SWAP70: variants seen among roughly 807,000 people sequenced by gnomAD.
The protein encoded by SWAP70 is switch-associated protein 70.
A neutral mutation model predicts 80.2 loss-of-function variants in SWAP70; 34 were observed. The observed-to-expected ratio is 0.42, with a 90% CI of 0.32 to 0.56. SWAP70 has a LOEUF of 0.56. Ranked by LOEUF, SWAP70 falls within the 20% of genes least tolerant of loss-of-function variation. SWAP70 has a pLI of 0.09. For synonymous variants in SWAP70, 239 were observed against 238.5 expected (o/e 1.00, Z -0.02); for missense variants, 578 against 690.7 (o/e 0.84, Z 1.83).
chr11:9,702,670 C>T (rs1850848189), intron 2 of SWAP70, among the ~76,000 whole-genome samples: 1 of 152,086 alleles, frequency 6.6e-6, no homozygotes, highest in Non-Finnish European at 1.5e-5. Flanking sequence ...ATCCTCTTGC[C>T]TTGTCCTCCC....
At chr11:9,719,885 C>G (rs1851113946) in intron 3 of SWAP70, among the ~76,000 whole-genome samples, 1 of 152,080 alleles carries the variant, frequency 6.6e-6, no homozygotes, top group African/African-American at 2.4e-5. Flanking sequence ...TAAATAAAAC[C>G]TATTAAGCCA....
intron 7 of SWAP70, among the ~76,000 whole-genome samples, chr11:9,735,521 A>G (rs1473700143): frequency 6.6e-6 from 1 of 152,236 alleles, no homozygotes; most frequent in South Asian, 2.1e-4. Context: ...TCTCTAGGGA[A>G]TGAATTCTCA....
At chr11:9,674,441 T>C (rs991757889) in intron 1 of SWAP70, among the ~76,000 whole-genome samples, 2 of 152,132 alleles carry the variant, frequency 1.3e-5, no homozygotes, top group East Asian at 3.8e-4. Context: ...GGCTCATGAC[T>C]ATAATCCCAG....
At chr11:9,694,062 G>A in intron 1 of SWAP70, 84 bp from the exon 2 acceptor site, 1 of 1,436,744 alleles carries the variant, frequency 7.0e-7, no homozygotes, top group South Asian at 1.6e-5. Flanking sequence ...CTACCCAGGA[G>A]AGGGAGCAGC....
intron 3 of SWAP70, 75 bp from the exon 4 acceptor site, chr11:9,724,583 G>C (rs1275430611): frequency 8.9e-7 from 1 of 1,121,804 alleles, no homozygotes; most frequent in Non-Finnish European, 1.3e-6. Flanking sequence ...ACTTATCAGT[G>C]TTTATAACAT....
At chr11:9,729,705 G>A (rs1036372160) in intron 6 of SWAP70, among the ~76,000 whole-genome samples, 5 of 152,146 alleles carry the variant, frequency 3.3e-5, no homozygotes, top group East Asian at 1.9e-4. Context: ...TGTTGGTCAC[G>A]CTGGTCTCAA....
At chr11:9,719,535 A>G (rs1851109542) in intron 3 of SWAP70, among the ~76,000 whole-genome samples, 1 of 143,872 alleles carries the variant, frequency 7.0e-6, no homozygotes, top group African/African-American at 2.6e-5. Flanking sequence ...GACTCCATCT[A>G]AAAAAAAAAA....
At chr11:9,684,235 C>T (rs147807426) in intron 1 of SWAP70, among the ~76,000 whole-genome samples, 61 of 152,152 alleles carry the variant, frequency 4.0e-4, no homozygotes, top group South Asian at 1.0e-3. Flanking sequence ...GTGTGCGCCA[C>T]CATGCCTTGC....
At chr11:9,688,642 G>T (rs1383540285) in intron 1 of SWAP70, among the ~76,000 whole-genome samples, 5 of 152,260 alleles carry the variant, frequency 3.3e-5, no homozygotes, top group South Asian at 2.1e-4. Context: ...ATGATTTTTA[G>T]GCAGGGGGAT....
chr11:9,724,600 A>C, intron 3 of SWAP70, 58 bp from the exon 4 acceptor site: 2 of 1,299,698 alleles, frequency 1.5e-6, no homozygotes, highest in Non-Finnish European at 2.1e-6. Flanking sequence ...ACATAAATAC[A>C]TAACTATGTT....
At chr11:9,694,667 T>G (rs1396210073) in intron 2 of SWAP70, among the ~76,000 whole-genome samples, 1 of 152,182 alleles carries the variant, frequency 6.6e-6, no homozygotes, top group African/African-American at 2.4e-5. Flanking sequence ...GAACAGACAC[T>G]TCTCAAAAGA....
chr11:9,736,223 T>G, intron 7 of SWAP70, among the ~76,000 whole-genome samples: 1 of 152,150 alleles, frequency 6.6e-6, no homozygotes, highest in East Asian at 1.9e-4. Flanking sequence ...ATCTCTTTAT[T>G]ATTCTCTATT....
chr11:9,673,301 A>C lies in SWAP70; in HGVS notation c.99+9023A>C, dbSNP rs533897969. Among the ~76,000 whole-genome samples the C allele has an allele frequency of 1.1e-4, 16 of 152,304 alleles. No individual in the cohort carries two copies. In the South Asian group the frequency reaches 3.1e-3, roughly 30 times the overall value. On this transcript the variant is annotated intron_variant, in intron 1 of 11. Transcript: ENST00000318950. ...TCACAGAACTTAGGGTGACATGTTTACTGATTTATTACAGAATATATTTTA... is the reference window on the plus strand; with the variant it reads ...TCACAGAACTTAGGGTGACATGTTTCCTGATTTATTACAGAATATATTTTA...
chr11:9,725,042 C>A (rs1851190848), intron 4 of SWAP70, 157 bp downstream of exon 4: 1 of 607,822 alleles, frequency 1.6e-6, no homozygotes, highest in African/African-American at 1.9e-5. Flanking sequence ...CTCTGTCGCC[C>A]AGTCTGGAGT....
At chr11:9,709,159 T>C (rs988105657) in intron 2 of SWAP70, among the ~76,000 whole-genome samples, 1 of 152,078 alleles carries the variant, frequency 6.6e-6, no homozygotes, top group East Asian at 1.9e-4. Flanking sequence ...AGTCTCACTT[T>C]GTCGCCCAGG....
chr11:9,682,480 G>A (rs1287876172), intron 1 of SWAP70, among the ~76,000 whole-genome samples: 2 of 152,136 alleles, frequency 1.3e-5, no homozygotes, highest in East Asian at 3.8e-4. Context: ...GTATTGTTTA[G>A]TGATATAAAC....
chr11:9,728,193 T>C lies in SWAP70; in HGVS notation c.783T>C (p.Cys261=). Residue 261 remains cysteine (C), a synonymous_variant, in exon 5 of 12, where the codon TGT becomes TGC. Transcript: ENST00000318950. ...ACATTCTCTTGGATGAAAATTGCTG[T>C]GTAGAGGTGAGTCTACTCTTACTTC... ...KGDILLDENC[C]VESLPDKDGK... is the part of the protein sequence containing the mutation. 1.9e-6 allele frequency: 3 copies of C among 1,606,730 alleles called. No individual in the cohort carries two copies. Among genetic ancestry groups the C allele is most frequent in the Non-Finnish European group, 2.5e-6 (3 of 1,177,514 alleles).
chr11:9,716,780 A>C (rs898501495), intron 3 of SWAP70, among the ~76,000 whole-genome samples: 1 of 152,186 alleles, frequency 6.6e-6, no homozygotes, highest in Non-Finnish European at 1.5e-5. Context: ...GTGAGAGGCC[A>C]GGGCTGGAGA....
At chr11:9,672,195 C>CTGTA (rs1554982641) in intron 1 of SWAP70, among the ~76,000 whole-genome samples, 1 of 78,438 alleles carries the variant, frequency 1.3e-5, no homozygotes, top group African/African-American at 4.9e-5. Context: ...ATGTGTGTGT[C>CTGTA]TATATATATA....
Sources: gnomAD v4.1 joint callset for allele counts (sites outside exome capture counted in the v4.1 genomes callset) on GRCh38, gnomAD v4.1.1 for gene constraint, MANE v1.5 for transcripts, NCBI Gene and HGNC (gene_info 2026-07-23, HGNC 2026-07-21) for gene names.